Variants in SH2D5 observed in about 807,000 individuals in gnomAD.
SH2D5 encodes SH2 domain-containing protein 5.
In SH2D5, 45 loss-of-function variants were observed where a neutral mutation model predicts 48.2. That is an observed-to-expected ratio of 0.93 (90% CI 0.73 to 1.20). SH2D5 has a LOEUF of 1.20. Ranked by LOEUF, SH2D5 falls within the 50% of genes most tolerant of loss-of-function variation. The probability of loss-of-function intolerance (pLI) is 0.00; values close to 1 mark genes in which losing one functional copy is unlikely to be tolerated. For synonymous variants in SH2D5, 230 were observed against 249.8 expected (o/e 0.92, Z 0.75); for missense variants, 538 against 584.1 (o/e 0.92, Z 0.81).
chr1:20,730,507 C>T (rs2054888123), intron 1 of SH2D5, among the ~76,000 whole-genome samples: 1 of 152,172 alleles, frequency 6.6e-6, no homozygotes, highest in Non-Finnish European at 1.5e-5. Context: ...TCTTAGGGGC[C>T]CCAGCCCACC....
chr1:20,726,400 G>T (rs1374670228), intron 4 of SH2D5, among the ~76,000 whole-genome samples: 2 of 152,188 alleles, frequency 1.3e-5, no homozygotes, highest in Non-Finnish European at 2.9e-5. Flanking sequence ...GACGTGTCAG[G>T]TAGGGAGATA....
Position 20,721,796 on chromosome 1 carries a change from C to A in SH2D5, c.1268G>T (p.Gly423Val). 1 of 1,566,996 alleles carries A rather than the reference C, an allele frequency of 6.4e-7. No individual in the cohort carries two copies. Among genetic ancestry groups the A allele is most frequent in the Non-Finnish European group, 8.7e-7 (1 of 1,154,674 alleles). The change falls in exon 10 of 10, where the codon GGC (glycine) becomes GTC (valine). Residue 423 changes from glycine (G) to valine (V), a missense_variant. Transcript: ENST00000444387. ...AKSEAELQGL[G>V] ...GTGGGACCGGGGCCCTACCTCTTAGCCCAGGCCCTGCAGCTCTGCCTCGGA... is the reference window on the plus strand; with the variant it reads ...GTGGGACCGGGGCCCTACCTCTTAGACCAGGCCCTGCAGCTCTGCCTCGGA...
chr1:20,720,563 A>G lies in SH2D5; in HGVS notation c.*1229T>C, dbSNP rs1435434898. The G allele has an allele frequency of 1.3e-5, 2 of 152,284 alleles. No individual in the cohort carries two copies. Among genetic ancestry groups the G allele is most frequent in the Non-Finnish European group, 2.9e-5 (2 of 68,060 alleles). 9.4% of individuals were successfully genotyped at this position (152,284 alleles called of 1,614,324 possible). On this transcript the variant is annotated 3_prime_UTR_variant, in exon 10 of 10. Transcript: ENST00000444387. Reference sequence around the variant, plus strand: ...CTCATGACGTGGCTTCTGCTTCAATAAGAGAAGTTCATGCAAAATGAACTT... The same window carrying G: ...CTCATGACGTGGCTTCTGCTTCAATGAGAGAAGTTCATGCAAAATGAACTT...
In SH2D5 at chr1:20,724,399, A is replaced by G. The variant is rs779555671; in HGVS notation, c.627T>C (p.Ser209=). The change falls in exon 6 of 10, where the codon AGT becomes AGC. Residue 209 remains serine, a synonymous_variant. Transcript: ENST00000444387. The part of the protein sequence containing the change: ...RRLPAEGLVG[S]GKELPESEGR... ...CCTTGGCTGGGGTGCTGCGTACCCC[A>G]CTGCCCACCAGCCCCTCTGCTGGCA... 2 of 1,612,580 alleles carry G rather than the reference A, an allele frequency of 1.2e-6. No homozygotes were observed. The highest frequency in any genetic ancestry group is 8.5e-7 in the Non-Finnish European group (1 of 1,179,878).
Position 20,722,844 on chromosome 1 carries a change from C to A in SH2D5, c.980G>T (p.Ser327Ile). 1.2e-6 allele frequency: 2 copies of A among 1,605,508 alleles called. No homozygotes were observed. Among genetic ancestry groups the A allele is most frequent in the Non-Finnish European group, 8.5e-7 (1 of 1,176,548 alleles). ...GCGCACGGACAGACACCACTGGCCG[C>A]TAGCACCCAGCTCAGGCCACAGCAG... ...AFLLWPELGA[S>I]GQWCLSVRTQ... The change falls in exon 9 of 10, where the codon AGC becomes ATC. Residue 327 changes from serine to isoleucine, a missense_variant. Transcript: ENST00000444387.
chr1:20,722,882 C>T lies in SH2D5; in HGVS notation c.942G>A (p.Val314=), dbSNP rs368627939. The change falls in exon 9 of 10, where the codon GTG becomes GTA. Residue 314 remains valine (V), a synonymous_variant. Transcript: ENST00000444387. The stretch of plus-strand genomic sequence containing the variant: ...CAGGCCACAGCAGGAAGGCCCCCAG[C>T]ACGTCTCTCCGCAACAGGGCCAGGG... The part of the protein sequence containing the change: ...PCALALLRRD[V]LGAFLLWPEL... 11 of 1,603,720 alleles carry T rather than the reference C, an allele frequency of 6.9e-6. No homozygotes were observed. The African/African-American group carries it at 1.3e-4, about 19-fold the overall frequency.
In SH2D5 at chr1:20,721,934, C is replaced by T. The variant is rs767506435; in HGVS notation, c.1130G>A (p.Arg377His). The change falls in exon 10 of 10, where the codon CGT becomes CAT. Residue 377 changes from arginine to histidine, a missense_variant. Coordinates refer to ENST00000444387, the MANE Select transcript of SH2D5 (RefSeq NM_001103161.2). ...CATGTCGAGGGGACAGAAGAGGCTA[C>T]GTTCAGTAACCGCGTGGTTCTCCAC... ...ALVENHAVTE[R>H]SLFCPLDMGR... 2.5e-6 allele frequency: 4 copies of T among 1,613,180 alleles called. No homozygotes were observed. The highest frequency in any genetic ancestry group is 2.2e-5 in the South Asian group (2 of 91,086).
At position 20,728,917 on chromosome 1, in the gene SH2D5, C is replaced by G. The variant is rs2054858355; in HGVS notation, c.-42-831G>C. Among the ~76,000 whole-genome samples the G allele has an allele frequency of 1.3e-5, 2 of 151,108 alleles. No individual in the cohort carries two copies. On this transcript the variant is annotated intron_variant, in intron 1 of 9. Transcript: ENST00000444387. The surrounding 1 kb of genome is among the most constrained non-coding windows in gnomAD (Gnocchi z 4.3). ...AAACAGACCCCAGCCCCTTCCTGAA[C>G]CCCCCAACCCCTTGCAGATCATGAA...
chr1:20,722,459 C>T (rs1394530669), intron 9 of SH2D5, among the ~76,000 whole-genome samples: 1 of 152,180 alleles, frequency 6.6e-6, no homozygotes, highest in Non-Finnish European at 1.5e-5. Context: ...TCCTCGGTGA[C>T]CAGGCACCTC....
intron 8 of SH2D5, 41 bp from the exon 9 acceptor site, chr1:20,722,956 T>C (rs1222245467): frequency 6.8e-7 from 1 of 1,474,644 alleles, no homozygotes; most frequent in Non-Finnish European, 9.0e-7. Context: ...TGGACTGCTC[T>C]CCTGGGCAAT....
Position 20,728,671 on chromosome 1 carries a change from G to A in SH2D5, c.-42-585C>T, listed in dbSNP as rs1282982688. Among the ~76,000 whole-genome samples, 4 of 152,340 alleles carry A rather than the reference G, an allele frequency of 2.6e-5. No homozygotes were observed. The highest frequency in any genetic ancestry group is 5.9e-5 in the Non-Finnish European group (4 of 68,020). ...AAAGGAAGGCAGGCAGTGGGGGCCC[G>A]CAGGCCGACCTCAGCCCTTATCAGA... is the stretch of plus-strand genomic sequence containing the variant. On this transcript the variant is annotated intron_variant, in intron 1 of 9. Coordinates refer to ENST00000444387, the MANE Select transcript of SH2D5 (RefSeq NM_001103161.2). This position sits in a 1 kb window ranked among gnomAD's most constrained non-coding sequence, Gnocchi z 4.3.
chr1:20,724,450 G>A lies in SH2D5; in HGVS notation c.576C>T (p.Val192=). 1 of 1,612,970 alleles carries A rather than the reference G, an allele frequency of 6.2e-7. No individual in the cohort carries two copies. The highest frequency in any genetic ancestry group is 8.5e-7 in the Non-Finnish European group (1 of 1,179,996). ...GCCGCCGAAAGGAGACCAGGGCATGGACGTTCTGAGAGAGCTGATCACGGC... is the reference window on the plus strand; with the variant it reads ...GCCGCCGAAAGGAGACCAGGGCATGAACGTTCTGAGAGAGCTGATCACGGC... ...PFGRDQLSQN[V]HALVSFRRLP... is the part of the protein sequence containing the mutation. The change falls in exon 6 of 10, where the codon GTC becomes GTT. Residue 192 remains valine (V), a synonymous_variant. Transcript: ENST00000444387.
At chr1:20,726,186 C>T in intron 4 of SH2D5, 120 bp from the exon 5 acceptor site, 2 of 1,228,622 alleles carry the variant, frequency 1.6e-6, no homozygotes, top group Non-Finnish European at 2.2e-6. Flanking sequence ...CTCAAGCCCT[C>T]ATCCTTCACA....
rs1570505478 is a variant in SH2D5 at position 20,724,622 on chromosome 1, T to G, written c.404A>C (p.His135Pro). Residue 135 changes from histidine (H) to proline (P), a missense_variant, in exon 6 of 10, where the codon CAC becomes CCC. Physicochemically the swap from His to Pro is moderately conservative, Grantham distance 77 (BLOSUM62 -2). Transcript: ENST00000444387. ...GSQPGEVQIL[H>P]LLLCRSFQLA... is the part of the protein sequence containing the mutation. Reference sequence around the variant, plus strand: ...CTGGAAAGAGCGGCACAGCAGCAGGTGCAGGATCTGGACCTGGGAGGGAGG... The same window carrying G: ...CTGGAAAGAGCGGCACAGCAGCAGGGGCAGGATCTGGACCTGGGAGGGAGG... The G allele has an allele frequency of 6.3e-7, 1 of 1,574,878 alleles. No individual in the cohort carries two copies. The highest frequency in any genetic ancestry group is 8.6e-7 in the Non-Finnish European group (1 of 1,162,212).
At chr1:20,725,828 GC>G (rs2154538546) in intron 5 of SH2D5, 91 bp downstream of exon 5, 1 of 1,511,510 alleles carries the variant, frequency 6.6e-7, no homozygotes, top group South Asian at 1.3e-5. Flanking sequence ...GGATCAGGCC[GC>G]CCTGGCAAAG....
chr1:20,726,872 C>T lies in SH2D5; in HGVS notation c.243+129G>A, dbSNP rs919914091. ...AAGGCCCAGAGCAGGTAGGCTGGCG[C>T]GCCAGGGGGACCCCAGGGGAAGCAC... On this transcript the variant is annotated intron_variant, in intron 4 of 9. Coordinates refer to ENST00000444387, the MANE Select transcript of SH2D5 (RefSeq NM_001103161.2). 76 of 706,604 alleles carry T rather than the reference C, an allele frequency of 1.1e-4. No individual in the cohort carries two copies. In the South Asian group the frequency reaches 1.9e-3, roughly 17 times the overall value. The allele number at this position is 706,604 out of a possible 1,614,324, so 43.8% of individuals were successfully genotyped here. A position where few individuals can be genotyped will look rare whatever the true frequency, so the allele number is the denominator to read the frequency against.
chr1:20,724,716 C>G, intron 5 of SH2D5, 81 bp from the exon 6 acceptor site: 5 of 1,423,168 alleles, frequency 3.5e-6, no homozygotes, highest in Non-Finnish European at 4.6e-6. Context: ...AGCCCACTCA[C>G]CATGGGTGCA....
chr1:20,723,569 A>AT, intron 8 of SH2D5, 57 bp downstream of exon 8: 1 of 1,401,234 alleles, frequency 7.1e-7, no homozygotes, highest in Non-Finnish European at 1.0e-6. Flanking sequence ...TGGGAAGCCC[A>AT]TATTTCTCTG....
In SH2D5 at chr1:20,728,104, G is replaced by T. The variant is rs1286412028; in HGVS notation, c.-42-18C>A. On this transcript the variant is annotated intron_variant, in intron 1 of 9. Transcript: ENST00000444387. The surrounding 1 kb of genome is among the most constrained non-coding windows in gnomAD (Gnocchi z 4.3). ...AGGGGAGGCTGCAAAGGGCAGGGGG[G>T]GAAGGGCTGCTTTCGAGGCAGGCAA... 3 of 1,262,136 alleles carry T rather than the reference G, an allele frequency of 2.4e-6. No homozygotes were observed. The highest frequency in any genetic ancestry group is 1.5e-5 in the African/African-American group (1 of 67,672). 78.2% of individuals were successfully genotyped at this position (1,262,136 alleles called of 1,614,324 possible).
Sources: gnomAD v4.1 joint callset for allele counts (sites outside exome capture counted in the v4.1 genomes callset) on GRCh38, gnomAD v4.1.1 for gene constraint, Gnocchi (gnomAD v3.1) non-coding constraint, MANE v1.5 for transcripts, NCBI Gene and HGNC (gene_info 2026-07-23, HGNC 2026-07-21) for gene names.